BRCA2: variants seen among roughly 807,000 people sequenced by gnomAD.
BRCA2 encodes breast cancer type 2 susceptibility protein.
In BRCA2, 203 loss-of-function variants were observed where a neutral mutation model predicts 276.7. The observed-to-expected ratio is 0.73, with a 90% CI of 0.65 to 0.82. The LOEUF is 0.82. BRCA2 is among the 40% of genes least tolerant of loss of function. The pLI, the probability that BRCA2 is intolerant of heterozygous loss-of-function variation, is 0.00. For missense variants in BRCA2, 3,920 were observed against 3,915.0 expected (o/e 1.00, Z -0.03); for synonymous variants, 1,289 against 1,338.4 (o/e 0.96, Z 0.81).
At position 32,351,950 on chromosome 13, in the gene BRCA2, T is replaced by C. The variant is rs762096953; in HGVS notation, c.7008-2911T>C. Among the ~76,000 whole-genome samples the C allele has an allele frequency of 4.6e-5, 7 of 152,196 alleles. No homozygotes were observed. In the South Asian group the frequency reaches 6.2e-4, roughly 13 times the overall value. On this transcript the variant is annotated intron_variant, in intron 13 of 26. Coordinates refer to ENST00000380152, the MANE Select transcript of BRCA2 (RefSeq NM_000059.4). ...CCAAGTAGCCGGGATTACAGGCGCG[T>C]GCCACCATGCCCGGCTAATTTTTTG...
At chr13:32,373,450 A>C (rs933481308) in intron 20 of BRCA2, among the ~76,000 whole-genome samples, 1 of 151,904 alleles carries the variant, frequency 6.6e-6, no homozygotes, top group African/African-American at 2.4e-5. Flanking sequence ...AGATTGCAGT[A>C]AGCCAAAATC....
At chr13:32,366,030 T>A (rs1162172634) in intron 18 of BRCA2, among the ~76,000 whole-genome samples, 1 of 152,068 alleles carries the variant, frequency 6.6e-6, no homozygotes, top group Admixed American at 6.5e-5. Context: ...TTTATTAATA[T>A]GCCATGTTTT....
intron 13 of BRCA2, among the ~76,000 whole-genome samples, chr13:32,347,604 C>T (rs2072620477): frequency 1.3e-5 from 2 of 152,102 alleles, no homozygotes; most frequent in Non-Finnish European, 2.9e-5. Flanking sequence ...AGGGAGGGGA[C>T]ACCAGGCACA....
In BRCA2 at chr13:32,398,161, G is replaced by C. The variant is rs1555289898; in HGVS notation, c.9649-1G>C. The C allele has an allele frequency of 1.2e-6, 2 of 1,605,526 alleles. No individual in the cohort carries two copies. The highest frequency in any genetic ancestry group is 2.2e-5 in the South Asian group (2 of 89,734). On this transcript the variant is annotated splice_acceptor_variant, in intron 26 of 26. Transcript: ENST00000380152. LOFTEE classifies it high-confidence loss of function. ...AGGCTACGTTTTCATTTTTTTATCA[G>C]ATGTCTTCTCCTAATTGTGAGATAT...
At chr13:32,366,471 G>A (rs560091410) in intron 18 of BRCA2, among the ~76,000 whole-genome samples, 1 of 152,146 alleles carries the variant, frequency 6.6e-6, no homozygotes, top group South Asian at 2.1e-4. Flanking sequence ...GAAAACTTGT[G>A]GTTCTGCATT....
chr13:32,370,420 C>T lies in BRCA2; in HGVS notation c.8350C>T (p.Arg2784Trp), dbSNP rs80359075. Residue 2784 changes from arginine to tryptophan, a missense_variant, in exon 19 of 27, where the codon CGG becomes TGG. Around this residue, in one of 2 missense-constraint regions of BRCA2, gnomAD observed 657 missense variants for 758.2 expected, o/e 0.87. Coordinates refer to ENST00000380152, the MANE Select transcript of BRCA2 (RefSeq NM_000059.4). ...LMLKISANSTRPARWYTKLGF... is the reference protein window; with the variant it reads ...LMLKISANSTWPARWYTKLGF... ...TGTCCAGATTTCTGCTAACAGTACT[C>T]GGCCTGCTCGCTGGTATACCAAACT... 5.0e-6 allele frequency: 8 copies of T among 1,613,730 alleles called. No homozygotes were observed. The highest frequency in any genetic ancestry group is 1.7e-4 in the Middle Eastern group (1 of 6,060).
At chr13:32,335,344 CAAA>C (rs780395396) in intron 10 of BRCA2, among the ~76,000 whole-genome samples, 6 of 47,770 alleles carry the variant, frequency 1.3e-4, no homozygotes, top group Non-Finnish European at 4.6e-5. Context: ...GACTCCATCT[CAAA>C]AAAAAAAAAA....
Position 32,337,495 on chromosome 13 carries a change from T to C in BRCA2, c.3140T>C (p.Ile1047Thr). 1 of 1,609,028 alleles carries C rather than the reference T, an allele frequency of 6.2e-7. No homozygotes were observed. Among genetic ancestry groups the C allele is most frequent in the Non-Finnish European group, 8.5e-7 (1 of 1,177,698 alleles). Residue 1047 changes from isoleucine to threonine, a missense_variant, in exon 11 of 27, where the codon ATT (isoleucine) becomes ACT (threonine). Ile to Thr is a moderately conservative substitution (Grantham distance 89). Transcript: ENST00000380152. The part of the protein sequence containing the change: ...QYPTSLACVE[I>T]VNTLALDNQK... ...CCTACTAGTTTAGCTTGTGTTGAAA[T>C]TGTAAATACCTTGGCATTAGATAAT... is the stretch of plus-strand genomic sequence containing the variant.
At position 32,340,432 on chromosome 13, in the gene BRCA2, C is replaced by T. The variant is rs1228610692; in HGVS notation, c.6077C>T (p.Thr2026Ile). The T allele has an allele frequency of 6.2e-7, 1 of 1,613,688 alleles. No homozygotes were observed. The highest frequency in any genetic ancestry group is 8.5e-7 in the Non-Finnish European group (1 of 1,179,830). The change falls in exon 11 of 27, where the codon ACA becomes ATA. Residue 2026 changes from threonine (T) to isoleucine (I), a missense_variant. Thr to Ile is a moderately conservative substitution (Grantham distance 89, BLOSUM62 -1). This residue lies in a region of BRCA2 where 3,263 missense variants were observed against 3,156.9 expected (regional missense o/e 1.03). Transcript: ENST00000380152. ...FKSNEHSDQL[T>I]REENTAIRTP... The stretch of plus-strand genomic sequence containing the variant: ...AGTAACGAACATTCAGACCAGCTCA[C>T]AAGAGAAGAAAATACTGCTATACGT...
At position 32,330,876 on chromosome 13, in the gene BRCA2, T is replaced by C. The variant is rs765045496; in HGVS notation, c.682-43T>C. On this transcript the variant is annotated intron_variant, in intron 8 of 26. Transcript: ENST00000380152. ...GGGGGGACTACTACTATATGTGCAT[T>C]GAGAGTTTTTATACTAGTGATTTTA... 5 of 1,196,550 alleles carry C rather than the reference T, an allele frequency of 4.2e-6. No individual in the cohort carries two copies. The African/African-American group carries it at 4.5e-5, about 11-fold the overall frequency. 74.1% of individuals were successfully genotyped at this position (1,196,550 alleles called of 1,614,324 possible).
intron 9 of BRCA2, 137 bp downstream of exon 9, chr13:32,331,167 T>C: frequency 1.5e-6 from 1 of 662,456 alleles, no homozygotes. Flanking sequence ...CAAGCGATCC[T>C]GCCTCAGCTT....
chr13:32,370,987 T>C lies in BRCA2; in HGVS notation c.8519T>C (p.Ile2840Thr), dbSNP rs1566249235. Residue 2840 changes from isoleucine to threonine, a missense_variant, in exon 20 of 27, where the codon ATA becomes ACA. Ile to Thr is a moderately conservative substitution (Grantham distance 89). Transcript: ENST00000380152. Reference protein sequence around the residue: ...WMEKTSSGLYIFRNEREEEKE... With the variant: ...WMEKTSSGLYTFRNEREEEKE... The stretch of plus-strand genomic sequence containing the variant: ...GAGAAGACATCATCTGGATTATACA[T>C]ATTTCGCAATGAAAGAGAGGAAGAA... The C allele has an allele frequency of 6.2e-7, 1 of 1,614,108 alleles. No individual in the cohort carries two copies. The highest frequency in any genetic ancestry group is 2.2e-5 in the East Asian group (1 of 44,874).
intron 24 of BRCA2, among the ~76,000 whole-genome samples, chr13:32,381,188 TTAA>T (rs1414004904): frequency 3.9e-5 from 6 of 152,336 alleles, no homozygotes; most frequent in Non-Finnish European, 8.8e-5. Flanking sequence ...CAATATTTAT[TTAA>T]TGACTGTTAT....
chr13:32,357,566 T>C (rs946311011), intron 15 of BRCA2, among the ~76,000 whole-genome samples, 176 bp from the exon 16 acceptor site: 1 of 152,258 alleles, frequency 6.6e-6, no homozygotes, highest in Admixed American at 6.5e-5. Flanking sequence ...ATCATTTATA[T>C]TACATTAAAA....
rs61754138 is a variant in BRCA2, at chr13:32,357,750, G to A, written c.7626G>A (p.Thr2542=). ...PSACSHKQLY[T]YGVSKHCIKI... is the part of the protein sequence containing the mutation. Reference sequence around the variant, plus strand: ...GTGTTTATTTTGTGTAGCTGTATACGTATGGCGTTTCTAAACATTGCATAA... The same window carrying A: ...GTGTTTATTTTGTGTAGCTGTATACATATGGCGTTTCTAAACATTGCATAA... Residue 2542 remains threonine (T), a synonymous_variant, in exon 16 of 27, where the codon ACG becomes ACA. Transcript: ENST00000380152. 700 of 1,611,658 alleles carry A rather than the reference G, an allele frequency of 4.3e-4. 4 individuals are homozygous for A. In the African/African-American group the frequency reaches 7.7e-3, roughly 18 times the overall value.
chr13:32,351,160 CTT>C (rs2072647408), intron 13 of BRCA2, among the ~76,000 whole-genome samples: 1 of 152,214 alleles, frequency 6.6e-6, no homozygotes, highest in African/African-American at 2.4e-5. Flanking sequence ...TTTTTTCACT[CTT>C]TGCAATGAAT....
At chr13:32,331,057 A>T (rs2137462477) in intron 9 of BRCA2, 27 bp downstream of exon 9, 1 of 1,508,842 alleles carries the variant, frequency 6.6e-7, no homozygotes, top group South Asian at 1.1e-5. Context: ...GTTGAACTAC[A>T]GGTTTTTTTG....
chr13:32,381,232 A>C (rs936050837), intron 24 of BRCA2, among the ~76,000 whole-genome samples: 2 of 152,238 alleles, frequency 1.3e-5, no homozygotes, highest in Non-Finnish European at 2.9e-5. Context: ...TGCTGGGTAC[A>C]TAGCGATTAA....
intron 17 of BRCA2, 110 bp downstream of exon 17, chr13:32,362,803 A>G (rs913549329): frequency 5.8e-6 from 7 of 1,205,130 alleles, no homozygotes; most frequent in Non-Finnish European, 8.4e-6. Context: ...TGTCAGTGAC[A>G]GTTGCCATCC....
Sources: gnomAD v4.1 joint callset for allele counts (sites outside exome capture counted in the v4.1 genomes callset) on GRCh38, gnomAD v4.1.1 for gene constraint, gnomAD v4.1.1 regional missense constraint, MANE v1.5 for transcripts, NCBI Gene and HGNC (gene_info 2026-07-23, HGNC 2026-07-21) for gene names.